Variants in ZFC3H1 observed in about 807,000 individuals in gnomAD.
The protein encoded by ZFC3H1 is zinc finger C3H1-type containing, also known as zinc finger C3H1 domain-containing protein.
Under a neutral mutation model 243.7 loss-of-function variants are expected in ZFC3H1, and 71 were observed. The observed-to-expected ratio is 0.29, with a 90% confidence interval of 0.24 to 0.36. The LOEUF (loss-of-function observed/expected upper bound fraction) is 0.36, where lower values mean the gene tolerates loss of function less well. Among genes scored for constraint, ZFC3H1 ranks in the 10% least tolerant of loss-of-function variants. ZFC3H1 has a pLI of 1.00. For synonymous variants in ZFC3H1, 838 were observed against 813.0 expected, an observed-to-expected ratio of 1.03 and a Z score of -0.52; for missense variants, 1,966 against 2,317.1, an observed-to-expected ratio of 0.85 and a Z score of 3.11.
chr12:71,640,058 A>T (rs1298028870), intron 6 of ZFC3H1, among the ~76,000 whole-genome samples: 4 of 152,110 alleles, frequency 2.6e-5, no homozygotes, highest in Non-Finnish European at 5.9e-5. Flanking sequence ...AGTGTCGCTC[A>T]GTGCCCAGGC....
Position 71,611,856 on chromosome 12 carries a change from C to A in ZFC3H1, c.5659G>T (p.Val1887Phe). The change falls in exon 32 of 35, where the codon GTT becomes TTT. Residue 1887 changes from valine (V) to phenylalanine (F), a missense_variant. Transcript: ENST00000378743. Reference sequence around the variant, plus strand: ...TTGGCTTGAAGTTTCAGAATCTGAACATTGCTTTCTTCCCATTCATGTTGA... The same window carrying A: ...TTGGCTTGAAGTTTCAGAATCTGAAAATTGCTTTCTTCCCATTCATGTTGA... ...LLQHEWEESN[V>F]QILKLQAKMF... 1.2e-6 allele frequency: 2 copies of A among 1,606,218 alleles called. No homozygotes were observed. Among genetic ancestry groups the A allele is most frequent in the Non-Finnish European group, 1.7e-6 (2 of 1,175,454 alleles).
intron 1 of ZFC3H1, among the ~76,000 whole-genome samples, chr12:71,657,704 G>C (rs1229413204): frequency 6.6e-6 from 1 of 152,068 alleles, no homozygotes; most frequent in Non-Finnish European, 1.5e-5. Flanking sequence ...TTACACTTCA[G>C]GGGGCCAGGC....
chr12:71,615,419 TA>T (rs1394149509), intron 27 of ZFC3H1, 103 bp from the exon 28 acceptor site: 4 of 774,330 alleles, frequency 5.2e-6, no homozygotes, highest in South Asian at 3.6e-5. Context: ...TTCATTGAAA[TA>T]TTTTTTTAGA....
chr12:71,645,283 G>A lies in ZFC3H1; in HGVS notation c.1081-208C>T, dbSNP rs1037743745. Among the ~76,000 whole-genome samples the A allele has an allele frequency of 3.3e-5, 5 of 152,328 alleles. No individual in the cohort carries two copies. The East Asian group carries it at 7.7e-4, about 23-fold the overall frequency. ...AATACGAATAGAAGATGAGTCTGCA[G>A]AAGGTATGTGTATATATGTAATGTA... On this transcript the variant is annotated intron_variant, in intron 3 of 34. Coordinates refer to ENST00000378743, the MANE Select transcript of ZFC3H1 (RefSeq NM_144982.5).
At chr12:71,628,049 A>G (rs1336447763) in intron 20 of ZFC3H1, 115 bp from the exon 21 acceptor site, 32 of 1,016,658 alleles carry the variant, frequency 3.1e-5, no homozygotes, top group Non-Finnish European at 4.0e-5. Flanking sequence ...GATTCTAATG[A>G]CATGTACTAG....
intron 34 of ZFC3H1, 30 bp downstream of exon 34, chr12:71,610,665 C>G (rs556359938): frequency 6.2e-7 from 1 of 1,611,882 alleles, no homozygotes; most frequent in East Asian, 2.2e-5. Flanking sequence ...AGGAAAACAT[C>G]GAGATAAAAT....
chr12:71,659,790 C>G (rs537206742), intron 1 of ZFC3H1, among the ~76,000 whole-genome samples: 2 of 152,220 alleles, frequency 1.3e-5, no homozygotes, highest in African/African-American at 2.4e-5. Flanking sequence ...CTAACTGAAC[C>G]TTGGTTTAAA....
intron 19 of ZFC3H1, 67 bp from the exon 20 acceptor site, chr12:71,629,104 C>A: frequency 3.1e-6 from 4 of 1,288,846 alleles, no homozygotes; most frequent in Non-Finnish European, 4.2e-6. Flanking sequence ...TTGAAGGATA[C>A]TCAAATAATA....
rs199727899 is a variant in ZFC3H1 at position 71,614,523 on chromosome 12, T to C, written c.5526+12A>G. 3.6e-5 allele frequency: 56 copies of C among 1,542,416 alleles called. No homozygotes were observed. Among genetic ancestry groups the C allele is most frequent in the Non-Finnish European group, 9.6e-6 (11 of 1,151,322 alleles). On this transcript the variant is annotated intron_variant, in intron 30 of 34. Coordinates refer to ENST00000378743, the MANE Select transcript of ZFC3H1 (RefSeq NM_144982.5). ...ACACAAATATCTAAAGAAAAAAGTT[T>C]TGAGTTCTTACCCTATTATGAAATT...
chr12:71,641,091 G>C (rs1478348718), intron 6 of ZFC3H1, among the ~76,000 whole-genome samples: 1 of 152,054 alleles, frequency 6.6e-6, no homozygotes, highest in Non-Finnish European at 1.5e-5. Context: ...GCCGCTTAGA[G>C]AGTATGTTCT....
intron 27 of ZFC3H1, among the ~76,000 whole-genome samples, chr12:71,617,021 C>G (rs955895827): frequency 5.3e-5 from 8 of 152,036 alleles, no homozygotes; most frequent in Admixed American, 6.5e-5. Flanking sequence ...TGAAAATTAC[C>G]CTATCTAGTT....
At chr12:71,623,669 T>A in intron 23 of ZFC3H1, 72 bp from the exon 24 acceptor site, 2 of 1,082,920 alleles carry the variant, frequency 1.8e-6, no homozygotes, top group East Asian at 5.0e-5. Context: ...ATTTTTACTA[T>A]GCTAAAGTTT....
rs772382457 is a variant in ZFC3H1 at position 71,642,457 on chromosome 12, C to T, written c.1606G>A (p.Asp536Asn). 2 of 1,613,036 alleles carry T rather than the reference C, an allele frequency of 1.2e-6. No individual in the cohort carries two copies. Among genetic ancestry groups the T allele is most frequent in the African/African-American group, 2.7e-5 (2 of 74,920 alleles). ...DNYEEVAMDT[D>N]SETSSPAPSP... ...ATACCTGGAGAACTGGTTTCACTAT[C>T]TGTATCCATAGCAACTTCTTCATAG... Residue 536 changes from aspartate to asparagine, a missense_variant, in exon 6 of 35, where the codon GAT becomes AAT. Coordinates refer to ENST00000378743, the MANE Select transcript of ZFC3H1 (RefSeq NM_144982.5).
chr12:71,641,590 C>A (rs1880604602), intron 6 of ZFC3H1, among the ~76,000 whole-genome samples: 1 of 152,154 alleles, frequency 6.6e-6, no homozygotes, highest in Admixed American at 6.5e-5. Context: ...AAGTCTCTGG[C>A]CCTCAAAGAT....
At chr12:71,634,585 T>A in intron 11 of ZFC3H1, 119 bp downstream of exon 11, 1 of 1,207,152 alleles carries the variant, frequency 8.3e-7, no homozygotes, top group Non-Finnish European at 1.1e-6. Context: ...TTATAAAACA[T>A]TAACTCTGTA....
At chr12:71,615,157 A>G (rs1879863523) in intron 28 of ZFC3H1, 49 bp downstream of exon 28, 1 of 1,412,556 alleles carries the variant, frequency 7.1e-7, no homozygotes, top group Non-Finnish European at 9.9e-7. Flanking sequence ...AGTAATAAAT[A>G]GCAAATGCAG....
intron 30 of ZFC3H1, chr12:71,613,663 A>C (rs1592581895): frequency 2.8e-6 from 1 of 356,220 alleles, no homozygotes; most frequent in East Asian, 4.6e-5. Flanking sequence ...GAACACTGAC[A>C]AGAAGCCAGG....
Position 71,644,858 on chromosome 12 carries a change from A to T in ZFC3H1, c.1279+19T>A, listed in dbSNP as rs753076903. ...AAGAAAACAAAACAAAAACACAAGA[A>T]TTTAATAAAAATGATCACCTGTAGT... is the stretch of plus-strand genomic sequence containing the variant. On this transcript the variant is annotated intron_variant, in intron 4 of 34. Transcript: ENST00000378743. 3.1e-6 allele frequency: 5 copies of T among 1,589,680 alleles called. No individual in the cohort carries two copies. The highest frequency in any genetic ancestry group is 4.3e-6 in the Non-Finnish European group (5 of 1,173,698).
Position 71,634,770 on chromosome 12 carries a change from C to T in ZFC3H1, c.2294G>A (p.Arg765Gln), listed in dbSNP as rs773313472. Residue 765 changes from arginine to glutamine, a missense_variant, in exon 11 of 35, where the codon CGA becomes CAA. Arg to Gln is a conservative substitution (Grantham distance 43, BLOSUM62 1). Coordinates refer to ENST00000378743, the MANE Select transcript of ZFC3H1 (RefSeq NM_144982.5). ...PKSEKENDPL[R>Q]TPEALPEEKK... ...TTCTTCAGGCAAAGCCTCCGGTGTT[C>T]GCAGAGGATCATTTTCTTTTTCAGA... is the stretch of plus-strand genomic sequence containing the variant. 9.3e-6 allele frequency: 15 copies of T among 1,606,512 alleles called. No individual in the cohort carries two copies. The highest frequency in any genetic ancestry group is 4.5e-5 in the East Asian group (2 of 44,456).
Sources: gnomAD v4.1 joint callset for allele counts (sites outside exome capture counted in the v4.1 genomes callset) on GRCh38, gnomAD v4.1.1 for gene constraint, MANE v1.5 for transcripts, NCBI Gene and HGNC (gene_info 2026-07-23, HGNC 2026-07-21) for gene names.